The following BTN3A3 variants were observed in gnomAD, a reference collection of about 807,000 sequenced individuals.
The protein encoded by BTN3A3 is butyrophilin 3.
A neutral mutation model predicts 43.2 loss-of-function variants in BTN3A3; 39 were observed. That is an observed-to-expected ratio of 0.90 (90% CI 0.70 to 1.18). BTN3A3 has a LOEUF of 1.18. Among genes scored for constraint, BTN3A3 ranks in the 50% most tolerant of loss-of-function variants. The pLI, the probability that BTN3A3 is intolerant of heterozygous loss-of-function variation, is 0.00. For missense variants in BTN3A3, 631 were observed against 722.8 expected (o/e 0.87, Z 1.46); for synonymous variants, 255 against 272.7 (o/e 0.93, Z 0.64).
intron 5 of BTN3A3, among the ~76,000 whole-genome samples, chr6:26,447,286 T>C (rs1354173634): frequency 6.6e-6 from 1 of 152,262 alleles, no homozygotes; most frequent in African/African-American, 2.4e-5. Context: ...TTACTTTTTT[T>C]AGTTCTTGAT....
intron 1 of BTN3A3, among the ~76,000 whole-genome samples, chr6:26,442,667 C>T (rs1275392421): frequency 6.6e-6 from 1 of 152,228 alleles, no homozygotes; most frequent in Non-Finnish European, 1.5e-5. Context: ...TCGGTTACCA[C>T]TTTTATACTT....
intron 4 of BTN3A3, chr6:26,445,133 A>G (rs935786048): frequency 1.9e-4 from 30 of 159,566 alleles, no homozygotes; most frequent in African/African-American, 7.2e-4. Flanking sequence ...ATTTCCCATG[A>G]TCTGTCACAG....
intron 1 of BTN3A3, among the ~76,000 whole-genome samples, chr6:26,441,524 C>G (rs528926932): frequency 6.6e-6 from 1 of 151,370 alleles, no homozygotes; most frequent in South Asian, 2.1e-4. Context: ...ACAATAATTC[C>G]TATAAGTGGA....
At chr6:26,447,852 C>A (rs1414373998) in intron 5 of BTN3A3, among the ~76,000 whole-genome samples, 1 of 152,066 alleles carries the variant, frequency 6.6e-6, no homozygotes, top group African/African-American at 2.4e-5. Flanking sequence ...TGTCCCTAAG[C>A]ATCATATTAA....
intron 6 of BTN3A3, 67 bp from the exon 7 acceptor site, chr6:26,448,550 A>T (rs969702470): frequency 9.9e-6 from 16 of 1,611,358 alleles, no homozygotes; most frequent in East Asian, 6.7e-5. Context: ...TTTAAGGTTT[A>T]TTTTCCCAAA....
intron 4 of BTN3A3, 26 bp from the exon 5 acceptor site, chr6:26,445,678 A>T: frequency 6.2e-7 from 1 of 1,605,144 alleles, no homozygotes; most frequent in Non-Finnish European, 8.5e-7. Flanking sequence ...GCTCTCAAGA[A>T]TTTAGGGCAA....
chr6:26,443,097 C>A (rs565031973), intron 1 of BTN3A3, among the ~76,000 whole-genome samples: 1 of 152,298 alleles, frequency 6.6e-6, no homozygotes, highest in African/African-American at 2.4e-5. Flanking sequence ...CTCTGCCAGG[C>A]AGTCTGCCTG....
At chr6:26,447,820 T>A (rs1465433351) in intron 5 of BTN3A3, among the ~76,000 whole-genome samples, 2 of 152,156 alleles carry the variant, frequency 1.3e-5, no homozygotes, top group African/African-American at 4.8e-5. Flanking sequence ...TTTAAACCCT[T>A]GCCCTCTGAC....
rs1482817195 is a variant in BTN3A3, at chr6:26,444,150, T to A, written c.279T>A (p.Tyr93Ter). 1.2e-6 allele frequency: 2 copies of A among 1,612,378 alleles called. No homozygotes were observed. Among genetic ancestry groups the A allele is most frequent in the South Asian group, 2.2e-5 (2 of 90,996 alleles). ...TGGAAGACAGGCAGAGTGCACCGTA[T>A]CGAGGGAGAACTTCGATTCTGCGGG... ...KEVEDRQSAP[Y>*]RGRTSILRDG... The change falls in exon 4 of 11, where the codon TAT (tyrosine) becomes TAA (stop). Residue 93 changes from tyrosine to a stop codon, truncating the protein, a stop_gained. Transcript: ENST00000244519. LOFTEE classifies it high-confidence loss of function.
intron 5 of BTN3A3, among the ~76,000 whole-genome samples, chr6:26,446,855 A>T (rs778036940): frequency 1.3e-5 from 2 of 152,166 alleles, no homozygotes; most frequent in East Asian, 3.9e-4. Context: ...CAGCCTCCCC[A>T]GTAGCTGGGA....
In BTN3A3 at chr6:26,442,646, G is replaced by A. The variant is rs192312342; in HGVS notation, c.-66-736G>A. Among the ~76,000 whole-genome samples the A allele has an allele frequency of 1.8e-4, 27 of 152,320 alleles. No individual in the cohort carries two copies. In the East Asian group the frequency reaches 4.4e-3, roughly 25 times the overall value. On this transcript the variant is annotated intron_variant, in intron 1 of 10. Coordinates refer to ENST00000244519, the MANE Select transcript of BTN3A3 (RefSeq NM_006994.5). ...TCCTCTAAACAGTCTCCTGTTGGGT[G>A]GCTGGTTCAGTCGGTTACCACTTTT...
intron 10 of BTN3A3, 60 bp downstream of exon 10, chr6:26,450,193 C>A: frequency 6.4e-7 from 1 of 1,564,896 alleles, no homozygotes. Context: ...TTCCTTTCTC[C>A]TCCTCCAACT....
At chr6:26,447,024 G>A (rs1040592187) in intron 5 of BTN3A3, among the ~76,000 whole-genome samples, 6 of 152,132 alleles carry the variant, frequency 3.9e-5, no homozygotes, top group South Asian at 2.1e-4. Flanking sequence ...TCACCAGCCC[G>A]GCCTATAAAA....
chr6:26,449,879 C>T (rs1762881793), intron 9 of BTN3A3, among the ~76,000 whole-genome samples, 191 bp downstream of exon 9: 1 of 152,060 alleles, frequency 6.6e-6, no homozygotes, highest in Non-Finnish European at 1.5e-5. Context: ...CTGCACATGC[C>T]CAGGCAAAGC....
chr6:26,444,345 G>A (rs1299840274), intron 4 of BTN3A3, 41 bp downstream of exon 4: 4 of 1,611,934 alleles, frequency 2.5e-6, no homozygotes, highest in South Asian at 1.1e-5. Flanking sequence ...TTCTCTGTAG[G>A]ATCTAGAGCA....
chr6:26,444,105 G>A lies in BTN3A3; in HGVS notation c.234G>A (p.Val78=), dbSNP rs768407285. ...VSSSLRQVVN[V]YADGKEVEDR... ...CCAGCCTAAGGCAGGTGGTGAACGT[G>A]TATGCAGATGGAAAGGAAGTGGAAG... Residue 78 remains valine (V), a synonymous_variant, in exon 4 of 11, where the codon GTG becomes GTA. Transcript: ENST00000244519. 7 of 1,613,814 alleles carry A rather than the reference G, an allele frequency of 4.3e-6. No individual in the cohort carries two copies. Among genetic ancestry groups the A allele is most frequent in the Non-Finnish European group, 5.9e-6 (7 of 1,179,870 alleles).
intron 10 of BTN3A3, among the ~76,000 whole-genome samples, chr6:26,451,016 C>A (rs1561863919): frequency 6.6e-6 from 1 of 152,164 alleles, no homozygotes; most frequent in Non-Finnish European, 1.5e-5. Context: ...CCCAGTGGCA[C>A]TATCCTTAGA....
rs1762960415 is a variant in BTN3A3, at chr6:26,452,567, A to G, written c.*156A>G. On this transcript the variant is annotated 3_prime_UTR_variant, in exon 11 of 11. Transcript: ENST00000244519. ...GCAGAGCTGGGATCTAAACAGCAATAACTAACATTAACAGAGAATTTAAAA... is the reference window on the plus strand; with the variant it reads ...GCAGAGCTGGGATCTAAACAGCAATGACTAACATTAACAGAGAATTTAAAA... 1 of 643,414 alleles carries G rather than the reference A, an allele frequency of 1.6e-6. No homozygotes were observed. Among genetic ancestry groups the G allele is most frequent in the Non-Finnish European group, 2.6e-6 (1 of 382,200 alleles). 39.9% of individuals were successfully genotyped at this position (643,414 alleles called of 1,614,324 possible).
chr6:26,444,559 G>A (rs568423667), intron 4 of BTN3A3: 5 of 623,612 alleles, frequency 8.0e-6, no homozygotes, highest in East Asian at 2.8e-5. Flanking sequence ...AATGAAGGAC[G>A]ACGGATAGGA....
Sources: allele counts gnomAD v4.1 joint callset (sites outside exome capture counted in the v4.1 genomes callset), GRCh38; gene constraint gnomAD v4.1.1; transcripts MANE v1.5; gene names NCBI Gene and HGNC (gene_info 2026-07-23, HGNC 2026-07-21).